Variants in MEIKIN observed in about 807,000 individuals in gnomAD.
MEIKIN encodes meiosis-specific kinetochore protein.
intron 9 of MEIKIN, among the ~76,000 whole-genome samples, chr5:131,859,248 G>T (rs1384629892): frequency 2.0e-5 from 3 of 152,162 alleles, no homozygotes; most frequent in African/African-American, 7.2e-5. Flanking sequence ...TCAGGTGTAA[G>T]GAAGGAGTCC....
intron 6 of MEIKIN, among the ~76,000 whole-genome samples, chr5:131,920,565 A>T (rs1037006261): frequency 1.3e-5 from 2 of 152,250 alleles, no homozygotes; most frequent in African/African-American, 4.8e-5. Flanking sequence ...GAAATTTACC[A>T]TCACCACTAG....
Position 131,807,130 on chromosome 5 carries a change from T to G in MEIKIN, c.*106A>C. ...GATATATCACAAATAACTGGAGAAT[T>G]TTTAATTTTTAATTTCATATAATTT... On this transcript the variant is annotated 3_prime_UTR_variant, in exon 13 of 13. Transcript: ENST00000442687. 2.5e-6 allele frequency: 1 copy of G among 397,628 alleles called. No homozygotes were observed. The highest frequency in any genetic ancestry group is 1.3e-4 in the South Asian group (1 of 7,682). The allele number at this position is 397,628 out of a possible 1,614,324, so 24.6% of individuals were successfully genotyped here.
At chr5:131,912,306 ATATTAT>A (rs558084181) in intron 7 of MEIKIN, among the ~76,000 whole-genome samples, 9 of 150,110 alleles carry the variant, frequency 6.0e-5, no homozygotes, top group African/African-American at 1.9e-4. Context: ...TATTATTATT[ATATTAT>A]TATTATTATT....
chr5:131,919,547 A>G (rs1000394069), intron 6 of MEIKIN, among the ~76,000 whole-genome samples: 2 of 152,204 alleles, frequency 1.3e-5, no homozygotes, highest in African/African-American at 4.8e-5. Context: ...ATGCAGCTGT[A>G]AAAAATAAAA....
At chr5:131,874,492 A>C (rs1303630948) in intron 9 of MEIKIN, among the ~76,000 whole-genome samples, 1 of 152,226 alleles carries the variant, frequency 6.6e-6, no homozygotes, top group Non-Finnish European at 1.5e-5. Context: ...TCTGAAATTG[A>C]GGCAATAATC....
rs77703678 is a variant in MEIKIN at position 131,855,914 on chromosome 5, A to C, written c.775-1080T>G. On this transcript the variant is annotated intron_variant, in intron 9 of 12. Transcript: ENST00000442687. ...ACAGGCAGCTTTATTTCTAGAAATC[A>C]GCTGCCTTTTCGGCCTTTAGACTCC... Among the ~76,000 whole-genome samples the C allele has an allele frequency of 6.3e-3, 960 of 152,348 alleles. 7 individuals are homozygous for C. The highest frequency in any genetic ancestry group is 0.022 in the African/African-American group (909 of 41,574).
chr5:131,831,864 T>C (rs1423189323), intron 11 of MEIKIN, among the ~76,000 whole-genome samples: 1 of 152,166 alleles, frequency 6.6e-6, no homozygotes, highest in Non-Finnish European at 1.5e-5. Context: ...GTGAGGCTTA[T>C]TCACTATCAC....
chr5:131,809,066 CAAACAA>C (rs200949433), intron 12 of MEIKIN, among the ~76,000 whole-genome samples: 2,150 of 151,760 alleles, frequency 0.014, 40 homozygotes, highest in African/African-American at 0.046. Context: ...CTGTCTCAAA[CAAACAA>C]AAACAAAAAC....
chr5:131,830,425 A>G (rs1222489096), intron 11 of MEIKIN, among the ~76,000 whole-genome samples: 2 of 152,266 alleles, frequency 1.3e-5, no homozygotes, highest in Admixed American at 6.5e-5. Context: ...AACAGAAAAC[A>G]AAACAAACAA....
chr5:131,816,396 T>C (rs1046018333), intron 12 of MEIKIN, among the ~76,000 whole-genome samples: 7 of 152,226 alleles, frequency 4.6e-5, no homozygotes, highest in African/African-American at 1.4e-4. Context: ...CCTGATAATA[T>C]AGGTAGGCCT....
In MEIKIN at chr5:131,896,462, T is replaced by C. The variant is rs373518703; in HGVS notation, c.703+15353A>G. Among the ~76,000 whole-genome samples the C allele has an allele frequency of 2.0e-5, 3 of 152,278 alleles. No individual in the cohort carries two copies. In the East Asian group the frequency reaches 5.8e-4, roughly 29 times the overall value. ...CCTTGTTAACCTTCTGTCTCACTGA[T>C]CTAATATTGACAGTGGGGTGTTAAA... On this transcript the variant is annotated intron_variant, in intron 8 of 12. Coordinates refer to ENST00000442687, the MANE Select transcript of MEIKIN (RefSeq NM_001303622.2).
chr5:131,906,555 C>G (rs1580901072), intron 8 of MEIKIN, among the ~76,000 whole-genome samples: 2 of 152,082 alleles, frequency 1.3e-5, no homozygotes, highest in East Asian at 1.9e-4. Context: ...ACCATAAAGA[C>G]ACATACAAGC....
chr5:131,875,171 G>C lies in MEIKIN; in HGVS notation c.774+3807C>G, dbSNP rs571205462. 6.6e-4 allele frequency among the ~76,000 whole-genome samples: 100 copies of C among 152,268 alleles called. No individual in the cohort carries two copies. The East Asian group carries it at 8.9e-3, about 14-fold the overall frequency. ...CAATCAGCCAGGAGAAGGAAATAAA[G>C]GGTATTCAATTAGGAAAAGAGGAAG... On this transcript the variant is annotated intron_variant, in intron 9 of 12. Coordinates refer to ENST00000442687, the MANE Select transcript of MEIKIN (RefSeq NM_001303622.2).
intron 9 of MEIKIN, among the ~76,000 whole-genome samples, chr5:131,878,073 A>G (rs1181309244): frequency 4.6e-5 from 7 of 152,220 alleles, no homozygotes; most frequent in Non-Finnish European, 1.0e-4. Flanking sequence ...AGTACTATCC[A>G]CATCCACTGG....
chr5:131,825,983 A>T (rs1561723836), intron 11 of MEIKIN, among the ~76,000 whole-genome samples: 1 of 152,246 alleles, frequency 6.6e-6, no homozygotes, highest in Non-Finnish European at 1.5e-5. Flanking sequence ...ACTATCTTTC[A>T]AGAATAAAGG....
intron 8 of MEIKIN, among the ~76,000 whole-genome samples, chr5:131,892,714 T>G (rs1750951262): frequency 1.3e-5 from 2 of 152,242 alleles, no homozygotes; most frequent in African/African-American, 4.8e-5. Flanking sequence ...TTCTCTCAAC[T>G]CGTCAAAGTC....
At chr5:131,864,506 C>T (rs963692102) in intron 9 of MEIKIN, among the ~76,000 whole-genome samples, 1 of 152,308 alleles carries the variant, frequency 6.6e-6, no homozygotes, top group South Asian at 2.1e-4. Context: ...ATAGTATCCT[C>T]GGCTGGCAGA....
intron 9 of MEIKIN, among the ~76,000 whole-genome samples, chr5:131,878,118 G>T (rs1309226470): frequency 6.6e-6 from 1 of 152,096 alleles, no homozygotes; most frequent in Non-Finnish European, 1.5e-5. Flanking sequence ...GATGAGGGGG[G>T]ACTACTATAC....
chr5:131,894,528 T>C (rs1252992153), intron 8 of MEIKIN, among the ~76,000 whole-genome samples: 2 of 152,246 alleles, frequency 1.3e-5, no homozygotes, highest in African/African-American at 2.4e-5. Context: ...TTCCTATCCA[T>C]GTGCATGGAA....
Sources: gnomAD v4.1 joint callset for allele counts (sites outside exome capture counted in the v4.1 genomes callset) on GRCh38, gnomAD v4.1.1 for gene constraint, MANE v1.5 for transcripts, NCBI Gene and HGNC (gene_info 2026-07-23, HGNC 2026-07-21) for gene names.